SIK3: variants seen among roughly 807,000 people sequenced by gnomAD.
SIK3 encodes SIK family kinase 3, also known as serine/threonine-protein kinase SIK3.
A neutral mutation model predicts 144.2 loss-of-function variants in SIK3; 28 were observed. The observed-to-expected ratio is 0.19, with a 90% CI of 0.14 to 0.27. The LOEUF (loss-of-function observed/expected upper bound fraction) is 0.27. Ranked by LOEUF, SIK3 falls within the 10% of genes least tolerant of loss-of-function variation. The pLI is 1.00. For missense variants in SIK3, 1,319 were observed against 1,776.0 expected (o/e 0.74, Z 4.62); for synonymous variants, 686 against 676.3 (o/e 1.01, Z -0.22).
chr11:116,891,141 T>C (rs1056004588), intron 6 of SIK3, among the ~76,000 whole-genome samples: 2 of 152,082 alleles, frequency 1.3e-5, no homozygotes, highest in Non-Finnish European at 2.9e-5. Flanking sequence ...AGTCCATCTC[T>C]ATAAAAAAAT....
At chr11:117,095,001 C>T (rs1955411033) in intron 1 of SIK3, among the ~76,000 whole-genome samples, 1 of 151,996 alleles carries the variant, frequency 6.6e-6, no homozygotes, top group Admixed American at 6.6e-5. Flanking sequence ...TAACCAACAA[C>T]CAAATAGGAA....
intron 16 of SIK3, 121 bp downstream of exon 16, chr11:116,863,547 T>A: frequency 7.0e-7 from 1 of 1,435,990 alleles, no homozygotes; most frequent in Middle Eastern, 2.5e-4. Flanking sequence ...TATACTTTTT[T>A]AACCTATAAA....
chr11:116,977,410 A>T (rs901571652), intron 1 of SIK3, among the ~76,000 whole-genome samples: 1 of 152,142 alleles, frequency 6.6e-6, no homozygotes, highest in Non-Finnish European at 1.5e-5. Context: ...TGGGCTCTTC[A>T]AAGAAGAATA....
At chr11:116,881,961 C>T (rs1380942580) in intron 6 of SIK3, among the ~76,000 whole-genome samples, 2 of 127,420 alleles carry the variant, frequency 1.6e-5, no homozygotes, top group African/African-American at 6.8e-5. Flanking sequence ...AAGCAGAATA[C>T]AAATTCTGGT....
rs528405922 is a variant in SIK3 at position 116,855,083 on chromosome 11, C to CAAAAAAAAAAAAAAAAAAAAA, written c.3655+2706_3655+2726dup. 3.7e-5 allele frequency among the ~76,000 whole-genome samples: 3 copies of CAAAAAAAAAAAAAAAAAAAAA among 82,152 alleles called. 1 individual carries two copies. The highest frequency in any genetic ancestry group is 2.2e-4 in the African/African-American group (3 of 13,868). The allele number at this position is 82,152 out of a possible 152,430, so 53.9% of individuals were successfully genotyped here. Reference sequence around the variant, plus strand: ...CATGGGTGACAGTGTGAGACTCTGCCAAAAAAAAAAAAAAAAAAAAAAAAA... The same window carrying CAAAAAAAAAAAAAAAAAAAAA: ...CATGGGTGACAGTGTGAGACTCTGCCAAAAAAAAAAAAAAAAAAAAAAAAAAAAAAAAAAAAAAAAAAAAAA... On this transcript the variant is annotated intron_variant, in intron 21 of 24. Transcript: ENST00000445177.
chr11:116,871,909 A>G (rs1252957253), intron 13 of SIK3, among the ~76,000 whole-genome samples: 5 of 152,178 alleles, frequency 3.3e-5, no homozygotes, highest in African/African-American at 4.8e-5. Flanking sequence ...GGAATAACCA[A>G]CTAAATCTAT....
chr11:117,023,867 C>CG (rs1951900129), intron 1 of SIK3, among the ~76,000 whole-genome samples: 2 of 151,708 alleles, frequency 1.3e-5, no homozygotes, highest in African/African-American at 4.8e-5. Flanking sequence ...TTAGTAGAGA[C>CG]GGGGTCTTGC....
intron 1 of SIK3, among the ~76,000 whole-genome samples, chr11:117,088,961 C>T (rs546913036): frequency 5.3e-5 from 8 of 151,726 alleles, no homozygotes; most frequent in Non-Finnish European, 1.0e-4. Flanking sequence ...GGATTACAGG[C>T]GTGAACCACT....
intron 1 of SIK3, among the ~76,000 whole-genome samples, chr11:117,037,495 A>G (rs1952560137): frequency 6.6e-6 from 1 of 152,202 alleles, no homozygotes; most frequent in African/African-American, 2.4e-5. Context: ...GGGAATGATC[A>G]TCATGAGCCA....
Position 116,875,470 on chromosome 11 carries a change from A to G in SIK3, c.1240-19T>C, listed in dbSNP as rs1944202843. 2 of 1,608,958 alleles carry G rather than the reference A, an allele frequency of 1.2e-6. No homozygotes were observed. Among genetic ancestry groups the G allele is most frequent in the Non-Finnish European group, 1.7e-6 (2 of 1,175,720 alleles). ...GCTCCGCCTGGAAAGCAGTACATAC[A>G]TATACACGCATACCTTTAACACTAG... On this transcript the variant is annotated intron_variant, in intron 9 of 24. Transcript: ENST00000445177.
At chr11:116,920,581 C>A (rs1946908216) in intron 4 of SIK3, among the ~76,000 whole-genome samples, 1 of 152,142 alleles carries the variant, frequency 6.6e-6, no homozygotes, top group African/African-American at 2.4e-5. Flanking sequence ...ACTGCTGTAC[C>A]CCCGTGCCTG....
chr11:116,859,565 C>T lies in SIK3; in HGVS notation c.2465G>A (p.Arg822His), dbSNP rs749011730. Residue 822 changes from arginine (R) to histidine (H), a missense_variant, in exon 20 of 25, where the codon CGC becomes CAC. Physicochemically the swap from Arg to His is conservative, Grantham distance 29. Around this residue, in one of 8 missense-constraint regions of SIK3, gnomAD observed 646 missense variants for 763.7 expected, o/e 0.85. Transcript: ENST00000445177. The part of the protein sequence containing the change: ...SSSQFQGLPS[R>H]SAIFQQQPEN... ...AGGTTGCTGCTGAAAGATTGCACTG[C>T]GGGAAGGTAAGCCTTGAAACTGGGA... 41 of 1,613,972 alleles carry T rather than the reference C, an allele frequency of 2.5e-5. No individual in the cohort carries two copies. Among genetic ancestry groups the T allele is most frequent in the Non-Finnish European group, 2.9e-5 (34 of 1,180,022 alleles).
chr11:117,003,557 G>A (rs539713280), intron 1 of SIK3, among the ~76,000 whole-genome samples: 39 of 152,028 alleles, frequency 2.6e-4, no homozygotes, highest in Non-Finnish European at 4.6e-4. Flanking sequence ...TTGACGGGGC[G>A]GAGGCAGAAG....
chr11:116,977,102 G>C (rs1024465534), intron 1 of SIK3, among the ~76,000 whole-genome samples: 1 of 151,962 alleles, frequency 6.6e-6, no homozygotes, highest in African/African-American at 2.4e-5. Context: ...CAAAGCCATA[G>C]AGCCTTGGGA....
intron 1 of SIK3, among the ~76,000 whole-genome samples, chr11:116,999,513 G>A (rs925591269): frequency 1.3e-5 from 2 of 152,192 alleles, no homozygotes; most frequent in Non-Finnish European, 2.9e-5. Context: ...AGTTTGAAGT[G>A]CAACATATTC....
chr11:117,032,501 T>C (rs930297047), intron 1 of SIK3, among the ~76,000 whole-genome samples: 5 of 152,156 alleles, frequency 3.3e-5, no homozygotes, highest in Non-Finnish European at 7.4e-5. Context: ...TTTTTTGTTT[T>C]TGTTTTGCCT....
rs185626368 is a variant in SIK3 at position 116,952,800 on chromosome 11, C to G, written c.454+1244G>C. Among the ~76,000 whole-genome samples the G allele has an allele frequency of 9.3e-4, 141 of 152,296 alleles. 1 individual carries two copies. The highest frequency in any genetic ancestry group is 3.4e-3 in the Middle Eastern group (1 of 294). On this transcript the variant is annotated intron_variant, in intron 3 of 24. Coordinates refer to ENST00000445177, the MANE Select transcript of SIK3 (RefSeq NM_001366686.3). ...CTTAATTGAGTCAGCATCTCCAAGG[C>G]ACATGATTGGCATATAATTATCATA... is the stretch of plus-strand genomic sequence containing the variant.
chr11:116,985,707 A>G (rs1009106254), intron 1 of SIK3, among the ~76,000 whole-genome samples: 22 of 152,310 alleles, frequency 1.4e-4, no homozygotes, highest in Non-Finnish European at 2.9e-4. Context: ...CTAAATTTCA[A>G]TTTATTTAGG....
chr11:116,962,943 T>A (rs751931351), intron 1 of SIK3, among the ~76,000 whole-genome samples: 2 of 152,138 alleles, frequency 1.3e-5, no homozygotes, highest in Non-Finnish European at 2.9e-5. Flanking sequence ...GTGCCCTCTT[T>A]CTCTTGGACG....
Sources: gnomAD v4.1 joint callset for allele counts (sites outside exome capture counted in the v4.1 genomes callset) on GRCh38, gnomAD v4.1.1 for gene constraint, gnomAD v4.1.1 regional missense constraint, MANE v1.5 for transcripts, NCBI Gene and HGNC (gene_info 2026-07-23, HGNC 2026-07-21) for gene names.